Variants in ASXL3 observed in about 807,000 individuals in gnomAD.
The protein encoded by ASXL3 is ASXL transcriptional regulator 3, also known as putative Polycomb group protein ASXL3.
Under a neutral mutation model 170.6 loss-of-function variants are expected in ASXL3, and 34 were observed. The ratio of observed to expected loss-of-function variants is 0.20; its 90% CI spans 0.15 to 0.27. ASXL3 has a LOEUF of 0.27. Among genes scored for constraint, ASXL3 ranks in the 10% least tolerant of loss-of-function variants. The pLI is 1.00. For synonymous variants in ASXL3, 1,002 were observed against 989.1 expected (o/e 1.01, Z -0.24); for missense variants, 2,592 against 2,695.3 (o/e 0.96, Z 0.85).
At chr18:33,721,932 T>C (rs139890633) in intron 8 of ASXL3, among the ~76,000 whole-genome samples, 102 of 152,138 alleles carry the variant, frequency 6.7e-4, no homozygotes, top group Non-Finnish European at 6.3e-4. Context: ...ATTTCAAGCA[T>C]TTTTATTATA....
At chr18:33,593,114 T>C (rs2065092504) in intron 1 of ASXL3, among the ~76,000 whole-genome samples, 1 of 152,120 alleles carries the variant, frequency 6.6e-6, no homozygotes, top group Non-Finnish European at 1.5e-5. Flanking sequence ...TTAAATGAGT[T>C]CAGGTTCCCA....
At chr18:33,733,661 A>C (rs1428263000) in intron 9 of ASXL3, among the ~76,000 whole-genome samples, 2 of 152,238 alleles carry the variant, frequency 1.3e-5, no homozygotes, top group Admixed American at 1.3e-4. Flanking sequence ...AAAATGAAGA[A>C]GTTTCTTTAG....
At chr18:33,696,815 G>T (rs2066780597) in intron 8 of ASXL3, among the ~76,000 whole-genome samples, 1 of 152,114 alleles carries the variant, frequency 6.6e-6, no homozygotes, top group African/African-American at 2.4e-5. Flanking sequence ...TAACTGACCT[G>T]CTAGCCAAAG....
intron 8 of ASXL3, among the ~76,000 whole-genome samples, chr18:33,719,041 GT>G (rs2067214915): frequency 6.6e-6 from 1 of 152,030 alleles, no homozygotes; most frequent in Non-Finnish European, 1.5e-5. Flanking sequence ...CTAGGAAGTA[GT>G]TTGTTTTTCA....
At chr18:33,621,132 A>G (rs1228058476) in intron 2 of ASXL3, among the ~76,000 whole-genome samples, 5 of 152,170 alleles carry the variant, frequency 3.3e-5, no homozygotes, top group African/African-American at 1.2e-4. Context: ...GTTTCTGGTA[A>G]GGATGTTTTA....
rs577711023 is a variant in ASXL3, at chr18:33,646,748, G to T, written c.355+395G>T. Among the ~76,000 whole-genome samples the T allele has an allele frequency of 4.1e-4, 62 of 151,462 alleles. 1 individual carries two copies. In the South Asian group the frequency reaches 0.012, roughly 30 times the overall value. ...TCACAAGTAGTTTTATAACAGCTTT[G>T]TTCCTTGGTTTGTCTTTTGCAAATG... On this transcript the variant is annotated intron_variant, in intron 4 of 11. Coordinates refer to ENST00000269197, the MANE Select transcript of ASXL3 (RefSeq NM_030632.3).
At chr18:33,675,059 T>C (rs2066403858) in intron 7 of ASXL3, among the ~76,000 whole-genome samples, 1 of 152,222 alleles carries the variant, frequency 6.6e-6, no homozygotes, top group Non-Finnish European at 1.5e-5. Context: ...CCTTTCTGTC[T>C]ACATCTGTAG....
chr18:33,745,767 A>G lies in ASXL3; in HGVS notation c.5919A>G (p.Gly1973=). 1.2e-6 allele frequency: 2 copies of G among 1,613,992 alleles called. No individual in the cohort carries two copies. Among genetic ancestry groups the G allele is most frequent in the Non-Finnish European group, 1.7e-6 (2 of 1,179,884 alleles). ...GGCATCTTGAACAGAAGGGATTGGG[A>G]GAGGTTAGTCTTTCCTCAGCACCTC... ...FNRHLEQKGL[G]EVSLSSAPHQ... is the part of the protein sequence containing the mutation. Residue 1973 remains glycine, a synonymous_variant, in exon 12 of 12, where the codon GGA becomes GGG. Transcript: ENST00000269197.
chr18:33,592,975 AAC>A (rs2065090711), intron 1 of ASXL3, among the ~76,000 whole-genome samples: 1 of 152,186 alleles, frequency 6.6e-6, no homozygotes, highest in African/African-American at 2.4e-5. Flanking sequence ...CTTACAAAAT[AAC>A]TGCCTTTTCT....
In ASXL3 at chr18:33,745,711, C is replaced by T; in HGVS notation, c.5863C>T (p.Pro1955Ser). Residue 1955 changes from proline (P) to serine (S), a missense_variant, in exon 12 of 12, where the codon CCA becomes TCA. Coordinates refer to ENST00000269197, the MANE Select transcript of ASXL3 (RefSeq NM_030632.3). ...AALLQASSKT[P>S]VGCNAFAFNR... Reference sequence around the variant, plus strand: ...TCTGTTACAGGCCTCTTCCAAGACCCCAGTGGGGTGTAATGCATTTGCCTT... The same window carrying T: ...TCTGTTACAGGCCTCTTCCAAGACCTCAGTGGGGTGTAATGCATTTGCCTT... 1 of 1,613,984 alleles carries T rather than the reference C, an allele frequency of 6.2e-7. No individual in the cohort carries two copies. Among genetic ancestry groups the T allele is most frequent in the Non-Finnish European group, 8.5e-7 (1 of 1,179,884 alleles).
intron 1 of ASXL3, 144 bp from the exon 2 acceptor site, chr18:33,607,450 G>T: frequency 1.5e-6 from 1 of 649,442 alleles, no homozygotes; most frequent in Non-Finnish European, 2.6e-6. Flanking sequence ...TCTTCCTTTG[G>T]ACACCTGATC....
Position 33,747,209 on chromosome 18 carries a change from C to T in ASXL3, c.*614C>T, listed in dbSNP as rs957162137. The T allele has an allele frequency of 6.6e-6, 1 of 152,108 alleles. No individual in the cohort carries two copies. The highest frequency in any genetic ancestry group is 2.4e-5 in the African/African-American group (1 of 41,422). The allele number at this position is 152,108 out of a possible 1,614,324, so 9.4% of individuals were successfully genotyped here. A position where few individuals can be genotyped will look rare whatever the true frequency, so the allele number is the denominator to read the frequency against. ...TCCTCCTGTTGTACTTTCTCAGAGA[C>T]TATGGCAGAATATCTGGATCTTCCT... is the stretch of plus-strand genomic sequence containing the variant. On this transcript the variant is annotated 3_prime_UTR_variant, in exon 12 of 12. Transcript: ENST00000269197.
At chr18:33,695,463 T>C (rs1056218865) in intron 8 of ASXL3, among the ~76,000 whole-genome samples, 2 of 152,138 alleles carry the variant, frequency 1.3e-5, no homozygotes, top group Non-Finnish European at 2.9e-5. Flanking sequence ...GTATATATAA[T>C]TTATTTAATA....
Position 33,745,179 on chromosome 18 carries a change from G to C in ASXL3, c.5331G>C (p.Arg1777Ser). 6.2e-7 allele frequency: 1 copy of C among 1,614,002 alleles called. No homozygotes were observed. Among genetic ancestry groups the C allele is most frequent in the Non-Finnish European group, 8.5e-7 (1 of 1,179,898 alleles). The change falls in exon 12 of 12, where the codon AGG becomes AGC. Residue 1777 changes from arginine to serine, a missense_variant. Arg to Ser is a moderately radical substitution (Grantham distance 110). Around this residue, in one of 4 missense-constraint regions of ASXL3, gnomAD observed 2,246 missense variants for 2,219.6 expected, o/e 1.01. Coordinates refer to ENST00000269197, the MANE Select transcript of ASXL3 (RefSeq NM_030632.3). Reference protein sequence around the residue: ...PRLGAKLEINRLPLPLQTTSV... With the variant: ...PRLGAKLEINSLPLPLQTTSV... ...TGGGAGCCAAGCTTGAAATCAACAG[G>C]CTTCCATTGCCTCTTCAAACTACCT... is the stretch of plus-strand genomic sequence containing the variant.
intron 1 of ASXL3, among the ~76,000 whole-genome samples, chr18:33,595,425 C>T (rs528274384): frequency 6.6e-6 from 1 of 152,062 alleles, no homozygotes; most frequent in Non-Finnish European, 1.5e-5. Context: ...TATTATATAT[C>T]CTGTATCTTT....
At chr18:33,610,644 G>T (rs1329042372) in intron 2 of ASXL3, among the ~76,000 whole-genome samples, 1 of 151,950 alleles carries the variant, frequency 6.6e-6, no homozygotes, top group African/African-American at 2.4e-5. Flanking sequence ...TAAGGGCAGG[G>T]TACCTAACAC....
intron 8 of ASXL3, among the ~76,000 whole-genome samples, chr18:33,719,506 AAAG>A (rs1410928072): frequency 3.9e-5 from 6 of 152,074 alleles, no homozygotes; most frequent in Non-Finnish European, 8.8e-5. Flanking sequence ...CATGTTAACT[AAAG>A]AAAGTCATGT....
intron 8 of ASXL3, among the ~76,000 whole-genome samples, chr18:33,693,326 T>C (rs780128226): frequency 1.3e-5 from 2 of 152,140 alleles, no homozygotes; most frequent in Non-Finnish European, 2.9e-5. Flanking sequence ...AAATTTAAGA[T>C]GGAAGAGAGA....
intron 2 of ASXL3, 111 bp downstream of exon 2, chr18:33,607,787 C>A (rs936367937): frequency 1.2e-6 from 1 of 811,052 alleles, no homozygotes; most frequent in Non-Finnish European, 2.0e-6. Context: ...TGTGAATTAA[C>A]TCCCCACAAA....
Sources: gnomAD v4.1 joint callset for allele counts (sites outside exome capture counted in the v4.1 genomes callset) on GRCh38, gnomAD v4.1.1 for gene constraint, gnomAD v4.1.1 regional missense constraint, MANE v1.5 for transcripts, NCBI Gene and HGNC (gene_info 2026-07-23, HGNC 2026-07-21) for gene names.